Variants in CACNA1S observed in about 807,000 individuals in gnomAD.
The protein encoded by CACNA1S is voltage-dependent L-type calcium channel subunit alpha-1S.
CACNA1S carries 126 observed loss-of-function variants against 207.4 expected under a neutral mutation model. The ratio of observed to expected loss-of-function variants is 0.61; its 90% CI spans 0.53 to 0.70. The LOEUF is 0.70. Ranked by LOEUF, CACNA1S falls within the 30% of genes least tolerant of loss-of-function variation. The probability of loss-of-function intolerance (pLI) is 0.00; values close to 1 mark genes in which losing one functional copy is unlikely to be tolerated. For synonymous variants in CACNA1S, 960 were observed against 932.7 expected, an observed-to-expected ratio of 1.03 and a Z score of -0.53; for missense variants, 2,349 against 2,422.8, an observed-to-expected ratio of 0.97 and a Z score of 0.64.
In CACNA1S at chr1:201,089,414, C is replaced by A; in HGVS notation, c.744G>T (p.Thr248=). ...ENEEPSPCAR[T]GSGRRCTING... is the part of the protein sequence containing the mutation. Reference sequence around the variant, plus strand: ...TGATGGTGCACCGGCGCCCTGAGCCCGTCCTGGCGCAGGGCGATGGCTCTT... The same window carrying A: ...TGATGGTGCACCGGCGCCCTGAGCCAGTCCTGGCGCAGGGCGATGGCTCTT... Residue 248 remains threonine (T), a synonymous_variant, in exon 6 of 44, where the codon ACG becomes ACT. Coordinates refer to ENST00000362061, the MANE Select transcript of CACNA1S (RefSeq NM_000069.3). 2 of 1,614,164 alleles carry A rather than the reference C, an allele frequency of 1.2e-6. No homozygotes were observed. Among genetic ancestry groups the A allele is most frequent in the African/African-American group, 2.7e-5 (2 of 75,060 alleles).
chr1:201,047,679 A>G, intron 36 of CACNA1S, 53 bp from the exon 37 acceptor site: 1 of 1,151,086 alleles, frequency 8.7e-7, no homozygotes, highest in Non-Finnish European at 1.3e-6. Flanking sequence ...TGCACTTGAC[A>G]AGGCCACCCA....
intron 22 of CACNA1S, among the ~76,000 whole-genome samples, chr1:201,064,012 G>A (rs771820906): frequency 7.2e-5 from 11 of 152,256 alleles, no homozygotes; most frequent in Non-Finnish European, 1.0e-4. Flanking sequence ...TGGAAGGCAG[G>A]AGCTGGGGGT....
chr1:201,058,173 C>T (rs532187636), intron 28 of CACNA1S, among the ~76,000 whole-genome samples: 16 of 152,342 alleles, frequency 1.1e-4, no homozygotes, highest in African/African-American at 3.8e-4. Flanking sequence ...TCCGTTACAG[C>T]TCTTGCCTTT....
rs147147166 is a variant in CACNA1S at position 201,063,933 on chromosome 1, C to T, written c.2854-1419G>A. ...TGACTCTGCTATAATGTGGAATGCA[C>T]GTGGTGTTTCCACAGAGTCAAAAGC... On this transcript the variant is annotated intron_variant, in intron 22 of 43. Coordinates refer to ENST00000362061, the MANE Select transcript of CACNA1S (RefSeq NM_000069.3). Among the ~76,000 whole-genome samples, 325 of 152,336 alleles carry T rather than the reference C, an allele frequency of 2.1e-3. 2 individuals carry two copies. Among genetic ancestry groups the T allele is most frequent in the African/African-American group, 7.4e-3 (308 of 41,578 alleles).
chr1:201,039,585 C>T lies in CACNA1S; in HGVS notation c.*246G>A. 3 of 592,040 alleles carry T rather than the reference C, an allele frequency of 5.1e-6. No homozygotes were observed. Among genetic ancestry groups the T allele is most frequent in the Non-Finnish European group, 6.0e-6 (2 of 332,666 alleles). The allele number at this position is 592,040 out of a possible 1,614,324, so 36.7% of individuals were successfully genotyped here. ...GGCCCTAGGCCAGACAGGCACTGAC[C>T]AGGCCTTTTTGAATGACATTAGAAG... On this transcript the variant is annotated 3_prime_UTR_variant, in exon 44 of 44. Coordinates refer to ENST00000362061, the MANE Select transcript of CACNA1S (RefSeq NM_000069.3).
intron 27 of CACNA1S, 109 bp downstream of exon 27, chr1:201,059,080 G>T: frequency 1.4e-6 from 1 of 712,362 alleles, no homozygotes; most frequent in Non-Finnish European, 2.5e-6. Flanking sequence ...GAGCAGAAGT[G>T]CTGGGCAAAG....
chr1:201,112,151 G>A (rs753813514), intron 1 of CACNA1S, 37 bp downstream of exon 1: 33 of 1,579,850 alleles, frequency 2.1e-5, no homozygotes, highest in Non-Finnish European at 2.4e-5. Context: ...CCCTCATGAC[G>A]CACACCCCCC....
At chr1:201,111,768 A>G (rs970358457) in intron 1 of CACNA1S, among the ~76,000 whole-genome samples, 5 of 152,120 alleles carry the variant, frequency 3.3e-5, no homozygotes, top group Admixed American at 3.3e-4. Context: ...GTGGCACCCC[A>G]TGATAATGTG....
intron 2 of CACNA1S, among the ~76,000 whole-genome samples, chr1:201,097,999 G>C (rs1471597955): frequency 6.6e-6 from 1 of 152,072 alleles, no homozygotes; most frequent in East Asian, 1.9e-4. Context: ...TTATCACTGA[G>C]ACCTTCCTGG....
At chr1:201,111,971 T>TCCCCCACCCTCCTCCTCTTCCTCCTCCC (rs1663127396) in intron 1 of CACNA1S, among the ~76,000 whole-genome samples, 2 of 98,354 alleles carry the variant, frequency 2.0e-5, no homozygotes, top group South Asian at 3.8e-4. Flanking sequence ...TTCCTCCTCC[T>TCCCCCACCCTCCTCCTCTTCCTCCTCCC]CCCCCACCCT....
At chr1:201,076,327 C>T (rs1485015832) in intron 12 of CACNA1S, among the ~76,000 whole-genome samples, 1 of 152,242 alleles carries the variant, frequency 6.6e-6, no homozygotes, top group African/African-American at 2.4e-5. Flanking sequence ...TCACACACTG[C>T]CTTTCTCACT....
At position 201,107,066 on chromosome 1, in the gene CACNA1S, G is replaced by A. The variant is rs560872748; in HGVS notation, c.258+3098C>T. Among the ~76,000 whole-genome samples the A allele has an allele frequency of 2.6e-5, 4 of 152,342 alleles. No homozygotes were observed. The East Asian group carries it at 7.7e-4, about 29-fold the overall frequency. On this transcript the variant is annotated intron_variant, in intron 2 of 43. Transcript: ENST00000362061. ...AGCTGAGAGCCCCTCCTTAGAGGCA[G>A]GGAGATGGCAGAAGTCAGGACCTTT... is the stretch of plus-strand genomic sequence containing the variant.
At chr1:201,080,479 G>A (rs1484699677) in intron 10 of CACNA1S, among the ~76,000 whole-genome samples, 1 of 152,092 alleles carries the variant, frequency 6.6e-6, no homozygotes, top group Non-Finnish European at 1.5e-5. Flanking sequence ...CGAGAAGATT[G>A]GTTGAGATGA....
At chr1:201,067,271 A>C (rs1252795782) in intron 19 of CACNA1S, among the ~76,000 whole-genome samples, 2 of 152,160 alleles carry the variant, frequency 1.3e-5, no homozygotes, top group African/African-American at 4.8e-5. Flanking sequence ...CCATGGGGCC[A>C]CAGAGTGGGG....
intron 40 of CACNA1S, 27 bp from the exon 41 acceptor site, chr1:201,041,616 C>A: frequency 6.5e-7 from 1 of 1,529,064 alleles, no homozygotes. Flanking sequence ...GCTGGGTGAA[C>A]CAGAGAAGGC....
chr1:201,058,508 T>G lies in CACNA1S; in HGVS notation c.3526-17A>C, dbSNP rs759228597. Reference sequence around the variant, plus strand: ...AAAGTAGCCCTGGGAAGGAAAAGGATGGGAAAGCGAGGGGGTGAGCTTTGG... The same window carrying G: ...AAAGTAGCCCTGGGAAGGAAAAGGAGGGGAAAGCGAGGGGGTGAGCTTTGG... On this transcript the variant is annotated splice_polypyrimidine_tract_variant and intron_variant, in intron 27 of 43. Coordinates refer to ENST00000362061, the MANE Select transcript of CACNA1S (RefSeq NM_000069.3). The G allele has an allele frequency of 6.2e-7, 1 of 1,601,022 alleles. No homozygotes were observed. The highest frequency in any genetic ancestry group is 1.1e-5 in the South Asian group (1 of 90,774).
intron 22 of CACNA1S, among the ~76,000 whole-genome samples, chr1:201,062,957 C>T (rs1661116899): frequency 6.6e-6 from 1 of 152,152 alleles, no homozygotes; most frequent in Non-Finnish European, 1.5e-5. Flanking sequence ...AGGGGCTGCC[C>T]ACCTCCCACC....
chr1:201,040,300 G>T lies in CACNA1S; in HGVS notation c.5301C>A (p.Pro1767=), dbSNP rs1196949567. 6.2e-7 allele frequency: 1 copy of T among 1,613,718 alleles called. No individual in the cohort carries two copies. Among genetic ancestry groups the T allele is most frequent in the African/African-American group, 1.3e-5 (1 of 74,924 alleles). Residue 1767 remains proline (P), a synonymous_variant, in exon 43 of 44, where the codon CCC becomes CCA. Transcript: ENST00000362061. ...STPGSLHEET[P]HSRSTRENTS... is the part of the protein sequence containing the mutation. ...TATTCTCCCTGGTGCTCCTGCTGTG[G>T]GGTGTCTCCTCATGAAGAGACCCTG...
chr1:201,048,725 C>G (rs1357424147), intron 35 of CACNA1S, 41 bp from the exon 36 acceptor site: 1 of 1,565,478 alleles, frequency 6.4e-7, no homozygotes, highest in South Asian at 1.1e-5. Context: ...GAGCTGGGAC[C>G]AGGCCAAGCT....
Sources: gnomAD v4.1 joint callset for allele counts (sites outside exome capture counted in the v4.1 genomes callset) on GRCh38, gnomAD v4.1.1 for gene constraint, MANE v1.5 for transcripts, NCBI Gene and HGNC (gene_info 2026-07-23, HGNC 2026-07-21) for gene names.